Variants in TNNI3K observed in about 807,000 individuals in gnomAD.
TNNI3K encodes TNNI3 interacting kinase.
Under a neutral mutation model 114.5 loss-of-function variants are expected in TNNI3K, and 140 were observed. The ratio of observed to expected loss-of-function variants is 1.22; its 90% CI spans 1.07 to 1.41. The LOEUF (loss-of-function observed/expected upper bound fraction) is 1.41. Among genes scored for constraint, TNNI3K ranks in the 40% most tolerant of loss-of-function variants. The pLI is 0.00. For synonymous variants in TNNI3K, 347 were observed against 347.5 expected, an observed-to-expected ratio of 1.00 and a Z score of 0.02; for missense variants, 1,125 against 1,007.6, an observed-to-expected ratio of 1.12 and a Z score of -1.58.
intron 23 of TNNI3K, among the ~76,000 whole-genome samples, chr1:74,518,146 G>A (rs1408243415): frequency 6.6e-6 from 1 of 152,160 alleles, no homozygotes; most frequent in Non-Finnish European, 1.5e-5. Flanking sequence ...GCAAAGAAAT[G>A]ATAATAGATG....
intron 4 of TNNI3K, among the ~76,000 whole-genome samples, chr1:74,267,487 C>G (rs1397876460): frequency 1.3e-5 from 2 of 151,934 alleles, no homozygotes; most frequent in Non-Finnish European, 2.9e-5. Context: ...AAGTAAGGTT[C>G]AGTTAGCACT....
At chr1:74,384,241 C>G (rs1663359457) in intron 17 of TNNI3K, among the ~76,000 whole-genome samples, 1 of 152,126 alleles carries the variant, frequency 6.6e-6, no homozygotes, top group Non-Finnish European at 1.5e-5. Flanking sequence ...AATTAACACG[C>G]TATTCCACAA....
intron 21 of TNNI3K, among the ~76,000 whole-genome samples, chr1:74,467,930 A>G (rs1238060335): frequency 6.6e-6 from 1 of 152,200 alleles, no homozygotes; most frequent in African/African-American, 2.4e-5. Context: ...AAACTCAAGC[A>G]AAAGACAATG....
chr1:74,532,597 G>A (rs1391559716), intron 23 of TNNI3K, among the ~76,000 whole-genome samples: 3 of 151,692 alleles, frequency 2.0e-5, no homozygotes, highest in East Asian at 1.9e-4. Flanking sequence ...TTAGCATTAG[G>A]TATATCTCCT....
intron 23 of TNNI3K, among the ~76,000 whole-genome samples, chr1:74,534,063 G>A (rs1646628583): frequency 6.6e-6 from 1 of 152,002 alleles, no homozygotes; most frequent in African/African-American, 2.4e-5. Context: ...ACCCCACAGG[G>A]GTTTTATAAA....
chr1:74,369,640 C>T (rs767174182), intron 16 of TNNI3K, 55 bp downstream of exon 16: 21 of 1,506,520 alleles, frequency 1.4e-5, no homozygotes, highest in Non-Finnish European at 1.8e-5. Flanking sequence ...ACTACTCTTG[C>T]AATACTTCAG....
Position 74,271,687 on chromosome 1 carries a change from T to C in TNNI3K, c.423T>C (p.Ala141=), listed in dbSNP as rs1331928318. 6.2e-7 allele frequency: 1 copy of C among 1,607,978 alleles called. No homozygotes were observed. Among genetic ancestry groups the C allele is most frequent in the African/African-American group, 1.3e-5 (1 of 74,768 alleles). ...GYGGLTALHI[A]TIAGHLEAAD... ...GTGGCCTCACTGCCCTCCATATTGCTACAATAGCTGGCCACCTAGAGGTAA... is the reference window on the plus strand; with the variant it reads ...GTGGCCTCACTGCCCTCCATATTGCCACAATAGCTGGCCACCTAGAGGTAA... Residue 141 remains alanine (A), a synonymous_variant, in exon 5 of 25, where the codon GCT becomes GCC. Coordinates refer to ENST00000326637, the MANE Select transcript of TNNI3K (RefSeq NM_015978.3).
chr1:74,531,627 T>C (rs1431394383), intron 23 of TNNI3K, among the ~76,000 whole-genome samples: 1 of 152,214 alleles, frequency 6.6e-6, no homozygotes, highest in Non-Finnish European at 1.5e-5. Flanking sequence ...AGATTTATTA[T>C]CCTAGTGTAA....
intron 17 of TNNI3K, among the ~76,000 whole-genome samples, chr1:74,420,352 G>T (rs1665336670): frequency 6.6e-6 from 1 of 152,056 alleles, no homozygotes; most frequent in Non-Finnish European, 1.5e-5. Context: ...AGGAAGAAAA[G>T]AACAATGTAG....
intron 20 of TNNI3K, among the ~76,000 whole-genome samples, chr1:74,462,728 A>C (rs2100720864): frequency 6.6e-6 from 1 of 152,312 alleles, no homozygotes; most frequent in East Asian, 1.9e-4. Context: ...GTTGCAGAAC[A>C]GGAAATATTT....
At chr1:74,310,440 G>A (rs1395750040) in intron 5 of TNNI3K, among the ~76,000 whole-genome samples, 1 of 152,116 alleles carries the variant, frequency 6.6e-6, no homozygotes, top group Non-Finnish European at 1.5e-5. Flanking sequence ...AATTACCAAT[G>A]TCATTTTTCA....
In TNNI3K at chr1:74,342,624, T is replaced by A. The variant is rs143102210; in HGVS notation, c.683-218T>A. On this transcript the variant is annotated intron_variant, in intron 7 of 24. Transcript: ENST00000326637. ...GATTTGATGTGTTCCATAGAATTTA[T>A]GGAAGCTAGAAGGAAACCTGTTTAA... Among the ~76,000 whole-genome samples, 215 of 152,316 alleles carry A rather than the reference T, an allele frequency of 1.4e-3. 2 individuals carry two copies. The highest frequency in any genetic ancestry group is 4.9e-3 in the African/African-American group (203 of 41,568).
chr1:74,491,379 C>A (rs1221519075), intron 22 of TNNI3K, among the ~76,000 whole-genome samples: 1 of 152,166 alleles, frequency 6.6e-6, no homozygotes, highest in African/African-American at 2.4e-5. Flanking sequence ...GCCACCACTC[C>A]CAGCTAATTT....
At chr1:74,248,434 G>T (rs530922823) in intron 2 of TNNI3K, among the ~76,000 whole-genome samples, 171 of 152,306 alleles carry the variant, frequency 1.1e-3, no homozygotes, top group Non-Finnish European at 2.1e-3. Context: ...CCGAGAGCGA[G>T]CGAGGGCTGC....
At chr1:74,443,433 T>G (rs1044247174) in intron 20 of TNNI3K, among the ~76,000 whole-genome samples, 1 of 151,840 alleles carries the variant, frequency 6.6e-6, no homozygotes, top group African/African-American at 2.4e-5. Flanking sequence ...TACCTGGATA[T>G]GTACACCCCC....
At chr1:74,308,515 A>G (rs1041538868) in intron 5 of TNNI3K, among the ~76,000 whole-genome samples, 1 of 152,190 alleles carries the variant, frequency 6.6e-6, no homozygotes, top group Non-Finnish European at 1.5e-5. Flanking sequence ...AAGCACTGTT[A>G]TGAGGAAACT....
chr1:74,528,867 G>T (rs930840943), intron 23 of TNNI3K, among the ~76,000 whole-genome samples: 1 of 152,162 alleles, frequency 6.6e-6, no homozygotes, highest in Non-Finnish European at 1.5e-5. Flanking sequence ...GGCACTTGAA[G>T]AAATGACAGA....
chr1:74,298,412 G>A (rs1658120197), intron 5 of TNNI3K, among the ~76,000 whole-genome samples: 1 of 152,182 alleles, frequency 6.6e-6, no homozygotes, highest in South Asian at 2.1e-4. Context: ...ATAAAGAATT[G>A]TCATTTGTGT....
At chr1:74,456,966 G>A (rs187464845) in intron 20 of TNNI3K, among the ~76,000 whole-genome samples, 4 of 152,188 alleles carry the variant, frequency 2.6e-5, no homozygotes, top group Admixed American at 2.6e-4. Flanking sequence ...GTAGCCATTT[G>A]AGTTTACTAC....
Sources: allele counts gnomAD v4.1 joint callset (sites outside exome capture counted in the v4.1 genomes callset), GRCh38; gene constraint gnomAD v4.1.1; transcripts MANE v1.5; gene names NCBI Gene and HGNC (gene_info 2026-07-23, HGNC 2026-07-21).